MCMDC2: variants seen among roughly 807,000 people sequenced by gnomAD.
MCMDC2 encodes the protein minichromosome maintenance domain-containing protein 2.
A neutral mutation model predicts 75.8 loss-of-function variants in MCMDC2; 54 were observed. That is an observed-to-expected ratio of 0.71 (90% CI 0.57 to 0.89). The LOEUF is 0.89. MCMDC2 is among the 40% of genes least tolerant of loss of function. The pLI is 0.00. For synonymous variants in MCMDC2, 249 were observed against 274.6 expected, an observed-to-expected ratio of 0.91 and a Z score of 0.92; for missense variants, 656 against 780.4, an observed-to-expected ratio of 0.84 and a Z score of 1.90.
intron 1 of MCMDC2, among the ~76,000 whole-genome samples, chr8:66,871,185 G>A (rs886819305): frequency 2.6e-5 from 4 of 152,028 alleles, no homozygotes; most frequent in African/African-American, 9.7e-5. Flanking sequence ...TCCGCTTTAC[G>A]CAGTGACACC....
intron 8 of MCMDC2, among the ~76,000 whole-genome samples, chr8:66,882,037 G>A (rs117641334): frequency 6.6e-6 from 1 of 152,268 alleles, no homozygotes; most frequent in East Asian, 1.9e-4. Context: ...GTCATTATAG[G>A]GTGGTTTTAC....
At chr8:66,912,686 C>T (rs796638552) in intron 14 of MCMDC2, among the ~76,000 whole-genome samples, 12 of 152,222 alleles carry the variant, frequency 7.9e-5, no homozygotes, top group African/African-American at 2.9e-4. Flanking sequence ...AACACAAGAA[C>T]AGAAAACCAA....
intron 8 of MCMDC2, among the ~76,000 whole-genome samples, chr8:66,882,971 T>G (rs1216996661): frequency 1.3e-5 from 2 of 152,166 alleles, no homozygotes; most frequent in Non-Finnish European, 2.9e-5. Flanking sequence ...ACTACCCAAA[T>G]GTGGCAAGAG....
At chr8:66,925,253 G>A (rs570879820), downstream of MCMDC2, among the ~76,000 whole-genome samples, 6 of 152,366 alleles carry the variant, frequency 3.9e-5, no homozygotes, top group South Asian at 1.0e-3. Flanking sequence ...AAACGCGACT[G>A]CGCAAATGGC....
At chr8:66,871,066 G>A (rs894134298) in intron 1 of MCMDC2, among the ~76,000 whole-genome samples, 5 of 152,204 alleles carry the variant, frequency 3.3e-5, no homozygotes, top group Admixed American at 2.6e-4. Flanking sequence ...AGGGAAGACA[G>A]GGAGTTAGAA....
rs543727752 is a variant in MCMDC2 at position 66,921,263 on chromosome 8, C to G, written c.*2094C>G. 9 of 152,184 alleles carry G rather than the reference C, an allele frequency of 5.9e-5. No homozygotes were observed. The highest frequency in any genetic ancestry group is 2.2e-4 in the African/African-American group (9 of 41,510). The allele number at this position is 152,184 out of a possible 1,614,324, so 9.4% of individuals were successfully genotyped here. A position where few individuals can be genotyped will look rare whatever the true frequency, so the allele number is the denominator to read the frequency against. Reference sequence around the variant, plus strand: ...TGGAGAATTAGAAGGGGGTGGGGTGCAGGACGAAAAATTAATGGGTGCAAT... The same window carrying G: ...TGGAGAATTAGAAGGGGGTGGGGTGGAGGACGAAAAATTAATGGGTGCAAT... On this transcript the variant is annotated 3_prime_UTR_variant, in exon 15 of 15. Transcript: ENST00000422365.
At chr8:66,916,565 A>G (rs1049199133) in intron 14 of MCMDC2, among the ~76,000 whole-genome samples, 4 of 152,060 alleles carry the variant, frequency 2.6e-5, no homozygotes, top group African/African-American at 9.7e-5. Flanking sequence ...GCACAAGATG[A>G]ATGGTTGGGT....
Position 66,905,290 on chromosome 8 carries a change from C to G in MCMDC2, c.1834C>G (p.Leu612Val). 1 of 1,492,818 alleles carries G rather than the reference C, an allele frequency of 6.7e-7. No individual in the cohort carries two copies. The highest frequency in any genetic ancestry group is 8.9e-7 in the Non-Finnish European group (1 of 1,117,332). The allele number at this position is 1,492,818 out of a possible 1,614,324, so 92.5% of individuals were successfully genotyped here. The change falls in exon 14 of 15, where the codon CTG becomes GTG. Residue 612 changes from leucine (L) to valine (V), a missense_variant. Physicochemically the swap from Leu to Val is conservative, Grantham distance 32. Coordinates refer to ENST00000422365, the MANE Select transcript of MCMDC2 (RefSeq NM_173518.5). ...GAACAAAGTGCTTAAAGAAGATGTG[C>G]TGATTGCAGCCTTACTATTTGAAAC... Reference protein sequence around the residue: ...LRNKVLKEDVLIAALLFETSL... With the variant: ...LRNKVLKEDVVIAALLFETSL...
intron 8 of MCMDC2, among the ~76,000 whole-genome samples, chr8:66,882,258 C>A (rs1811614546): frequency 6.6e-6 from 1 of 152,226 alleles, no homozygotes; most frequent in Non-Finnish European, 1.5e-5. Context: ...TAAGTATGTG[C>A]TCTTGCATGA....
In MCMDC2 at chr8:66,883,977, T is replaced by G. The variant is rs1348707645; in HGVS notation, c.1056T>G (p.Asp352Glu). 1.9e-6 allele frequency: 3 copies of G among 1,610,002 alleles called. No homozygotes were observed. The highest frequency in any genetic ancestry group is 2.7e-5 in the African/African-American group (2 of 74,968). ...TGGATATTTTAATTATAACAAGTGA[T>G]ACTCTACTCATAGACAGGTATATAT... The part of the protein sequence containing the change: ...DCLDILIITS[D>E]TLLIDRLLNF... Residue 352 changes from aspartate (D) to glutamate (E), a missense_variant, in exon 9 of 15, where the codon GAT becomes GAG. Coordinates refer to ENST00000422365, the MANE Select transcript of MCMDC2 (RefSeq NM_173518.5).
chr8:66,886,385 G>T (rs547673557), intron 9 of MCMDC2, among the ~76,000 whole-genome samples: 1 of 151,896 alleles, frequency 6.6e-6, no homozygotes, highest in Non-Finnish European at 1.5e-5. Flanking sequence ...GGCTAGTCTC[G>T]AACTCCTGAC....
chr8:66,902,756 A>G (rs1030860533), intron 13 of MCMDC2, among the ~76,000 whole-genome samples: 6 of 142,528 alleles, frequency 4.2e-5, no homozygotes, highest in African/African-American at 1.5e-4. Flanking sequence ...ATATCTTTTC[A>G]TATGTAAACT....
chr8:66,893,109 G>T (rs1273500611), intron 10 of MCMDC2, among the ~76,000 whole-genome samples: 3 of 152,220 alleles, frequency 2.0e-5, no homozygotes, highest in Non-Finnish European at 4.4e-5. Flanking sequence ...GATATGGACA[G>T]CCATGGACTG....
chr8:66,896,222 G>A lies in MCMDC2; in HGVS notation c.1332G>A (p.Glu444=). 6.2e-7 allele frequency: 1 copy of A among 1,612,614 alleles called. No homozygotes were observed. ...TVYIPGKKFG[E]DIDQQMTFPV... ...ACATCCCAGGAAAGAAGTTTGGGGA[G>A]GATATTGATCAACAGATGACTTTTC... is the stretch of plus-strand genomic sequence containing the variant. The change falls in exon 11 of 15, where the codon GAG becomes GAA. Residue 444 remains glutamate, a synonymous_variant. Transcript: ENST00000422365.
At chr8:66,900,577 A>G (rs1812611154) in intron 12 of MCMDC2, among the ~76,000 whole-genome samples, 1 of 152,228 alleles carries the variant, frequency 6.6e-6, no homozygotes, top group South Asian at 2.1e-4. Flanking sequence ...AAACTAGAAA[A>G]TAACTAGGAT....
rs1811726679 is a variant in MCMDC2 at position 66,884,197 on chromosome 8, A to G, written c.1073+203A>G. The G allele has an allele frequency of 5.2e-6, 3 of 573,870 alleles. No individual in the cohort carries two copies. In the South Asian group the frequency reaches 7.2e-5, roughly 14 times the overall value. The allele number at this position is 573,870 out of a possible 1,614,324, so 35.5% of individuals were successfully genotyped here. ...GTTGAATTACTCCAATTTTCAACCT[A>G]TTTCCCCACTCAGACCTTTGTAAAT... is the stretch of plus-strand genomic sequence containing the variant. On this transcript the variant is annotated intron_variant, in intron 9 of 14. Transcript: ENST00000422365.
intron 14 of MCMDC2, among the ~76,000 whole-genome samples, chr8:66,913,120 T>G (rs538855924): frequency 2.0e-5 from 3 of 152,210 alleles, no homozygotes; most frequent in Admixed American, 6.5e-5. Flanking sequence ...AGCAGTCATC[T>G]ACATGGAGAC....
intron 7 of MCMDC2, among the ~76,000 whole-genome samples, chr8:66,879,463 GA>G (rs2130799249): frequency 6.6e-6 from 1 of 151,562 alleles, no homozygotes; most frequent in African/African-American, 2.4e-5. Context: ...TGTGGTGACG[GA>G]TGCCTGTAAT....
At position 66,919,299 on chromosome 8, in the gene MCMDC2, A is replaced by C; in HGVS notation, c.*130A>C. 3.0e-6 allele frequency: 2 copies of C among 659,674 alleles called. No homozygotes were observed. The highest frequency in any genetic ancestry group is 4.6e-6 in the Non-Finnish European group (2 of 433,064). 40.9% of individuals were successfully genotyped at this position (659,674 alleles called of 1,614,324 possible). A position where few individuals can be genotyped will look rare whatever the true frequency, so the allele number is the denominator to read the frequency against. On this transcript the variant is annotated 3_prime_UTR_variant, in exon 15 of 15. Coordinates refer to ENST00000422365, the MANE Select transcript of MCMDC2 (RefSeq NM_173518.5). ...AATATATTACAATACTGTTTTTAAA[A>C]ATATAAAATATAGTCCCCTCAAAAC...
Sources: allele counts gnomAD v4.1 joint callset (sites outside exome capture counted in the v4.1 genomes callset), GRCh38; gene constraint gnomAD v4.1.1; transcripts MANE v1.5; gene names NCBI Gene and HGNC (gene_info 2026-07-23, HGNC 2026-07-21).